Variants in LMBRD1 observed in about 807,000 individuals in gnomAD.
LMBRD1 encodes the protein lysosomal cobalamin transport escort protein LMBD1.
In LMBRD1, 64 loss-of-function variants were observed where a neutral mutation model predicts 74.8. The observed-to-expected ratio is 0.86, with a 90% CI of 0.70 to 1.05. LMBRD1 has a LOEUF of 1.05. LMBRD1 is among the 50% of genes least tolerant of loss of function. The probability of loss-of-function intolerance (pLI) is 0.00; values close to 1 mark genes in which losing one functional copy is unlikely to be tolerated. For missense variants in LMBRD1, 652 were observed against 645.9 expected, an observed-to-expected ratio of 1.01 and a Z score of -0.10; for synonymous variants, 204 against 216.3, an observed-to-expected ratio of 0.94 and a Z score of 0.50.
At chr6:69,760,175 CAT>C (rs1013854043) in intron 3 of LMBRD1, among the ~76,000 whole-genome samples, 49 of 152,284 alleles carry the variant, frequency 3.2e-4, no homozygotes, top group African/African-American at 1.0e-3. Flanking sequence ...CAACAGAAAA[CAT>C]GTGCAAGAAT....
At chr6:69,709,644 T>G (rs1277133898) in intron 9 of LMBRD1, among the ~76,000 whole-genome samples, 4 of 152,128 alleles carry the variant, frequency 2.6e-5, no homozygotes, top group Admixed American at 2.6e-4. Context: ...GCTGATATGA[T>G]CATGTATAAA....
chr6:69,773,389 T>C (rs1352330155), intron 3 of LMBRD1, among the ~76,000 whole-genome samples: 2 of 152,182 alleles, frequency 1.3e-5, no homozygotes, highest in East Asian at 3.8e-4. Flanking sequence ...GTTTTGAGTA[T>C]TCTACTTTAA....
chr6:69,732,208 G>A lies in LMBRD1; in HGVS notation c.636+5734C>T, dbSNP rs112858056. 7.0e-3 allele frequency among the ~76,000 whole-genome samples: 1,058 copies of A among 152,174 alleles called. 15 individuals carry two copies. The highest frequency in any genetic ancestry group is 0.021 in the African/African-American group (884 of 41,532). ...GAATGTTTGTTTTCCCCTAAAATTC[G>A]TATGTTGAAATCTAATCCCCAGTGT... On this transcript the variant is annotated intron_variant, in intron 7 of 15. Transcript: ENST00000649934.
At chr6:69,688,426 C>T (rs1289007909) in intron 14 of LMBRD1, among the ~76,000 whole-genome samples, 5 of 146,642 alleles carry the variant, frequency 3.4e-5, no homozygotes, top group African/African-American at 5.0e-5. Context: ...TCACTTAAAT[C>T]CATTGTTAGT....
chr6:69,731,064 G>A (rs576740475), intron 7 of LMBRD1, among the ~76,000 whole-genome samples: 149 of 152,158 alleles, frequency 9.8e-4, no homozygotes, highest in Non-Finnish European at 1.9e-3. Context: ...CTGTGTATGA[G>A]CGAAAACATG....
chr6:69,697,619 T>C lies in LMBRD1; in HGVS notation c.1361A>G (p.His454Arg). 1 of 1,598,846 alleles carries C rather than the reference T, an allele frequency of 6.3e-7. No homozygotes were observed. Among genetic ancestry groups the C allele is most frequent in the Non-Finnish European group, 8.6e-7 (1 of 1,167,106 alleles). ...CACAGAAAGGGTTGAATTGCCTTTA[T>C]GATTATCAGAAGTTATATTAGTCTG... The part of the protein sequence containing the change: ...LIETNITSDN[H>R]KGNSTLSVPK... The change falls in exon 14 of 16, where the codon CAT (histidine) becomes CGT (arginine). Residue 454 changes from histidine (H) to arginine (R), a missense_variant. By Grantham distance (29) the His-to-Arg change is conservative. This residue lies in a region of LMBRD1 where 598 missense variants were observed against 581.8 expected (regional missense o/e 1.03). Coordinates refer to ENST00000649934, the MANE Select transcript of LMBRD1 (RefSeq NM_018368.4).
intron 9 of LMBRD1, among the ~76,000 whole-genome samples, chr6:69,702,315 C>T (rs1766152120): frequency 2.6e-5 from 4 of 151,092 alleles, no homozygotes; most frequent in African/African-American, 9.7e-5. Flanking sequence ...ACCCCAAAAC[C>T]ATGAAATGCA....
In LMBRD1 at chr6:69,774,948, T is replaced by TGGAAGGAAGGAA. The variant is rs1157907347; in HGVS notation, c.307+5534_307+5545dup. Among the ~76,000 whole-genome samples the TGGAAGGAAGGAA allele has an allele frequency of 4.1e-3, 159 of 38,882 alleles. 9 individuals are homozygous for TGGAAGGAAGGAA. The highest frequency in any genetic ancestry group is 6.3e-3 in the South Asian group (5 of 794). 25.5% of individuals were successfully genotyped at this position (38,882 alleles called of 152,430 possible). A position where few individuals can be genotyped will look rare whatever the true frequency, so the allele number is the denominator to read the frequency against. On this transcript the variant is annotated intron_variant, in intron 3 of 15. Transcript: ENST00000649934. ...CACTCCTGCCCAAAATACAGTGAGA[T>TGGAAGGAAGGAA]GGAAGGAAGGAAGGAAGGAAGGAAG...
chr6:69,750,777 A>G (rs1765126369), intron 4 of LMBRD1, among the ~76,000 whole-genome samples: 1 of 152,150 alleles, frequency 6.6e-6, no homozygotes, highest in African/African-American at 2.4e-5. Flanking sequence ...CCAAATATAG[A>G]GTAAAATAGT....
chr6:69,780,677 A>C, intron 2 of LMBRD1, 123 bp from the exon 3 acceptor site: 2 of 722,078 alleles, frequency 2.8e-6, no homozygotes, highest in Non-Finnish European at 5.0e-6. Flanking sequence ...AAAACAATCT[A>C]TGTCTTCAAT....
chr6:69,703,489 A>T lies in LMBRD1; in HGVS notation c.916-1536T>A, dbSNP rs189023565. 1.3e-3 allele frequency among the ~76,000 whole-genome samples: 198 copies of T among 151,840 alleles called. No homozygotes were observed. The Middle Eastern group carries it at 0.017, about 13-fold the overall frequency. ...AAAAAAATTTAAAATTAAAAAAAAA[A>T]CCCTCTTAGCTATCTTCCAAATCTG... On this transcript the variant is annotated intron_variant, in intron 9 of 15. Coordinates refer to ENST00000649934, the MANE Select transcript of LMBRD1 (RefSeq NM_018368.4).
At chr6:69,681,988 G>GA (rs1582040778) in intron 14 of LMBRD1, among the ~76,000 whole-genome samples, 1 of 151,742 alleles carries the variant, frequency 6.6e-6, no homozygotes, top group Non-Finnish European at 1.5e-5. Flanking sequence ...TATACAACTG[G>GA]AAAAAATGAG....
At chr6:69,726,688 C>T (rs987295930) in intron 7 of LMBRD1, among the ~76,000 whole-genome samples, 6 of 150,956 alleles carry the variant, frequency 4.0e-5, no homozygotes, top group Non-Finnish European at 7.4e-5. Context: ...AACAATTGAA[C>T]TCGTGGAAAC....
At chr6:69,695,997 C>G (rs1765988947) in intron 14 of LMBRD1, among the ~76,000 whole-genome samples, 1 of 152,202 alleles carries the variant, frequency 6.6e-6, no homozygotes, top group African/African-American at 2.4e-5. Flanking sequence ...GGGTGCCCCA[C>G]CACCCTCAAC....
rs771282181 is a variant in LMBRD1, at chr6:69,780,524, T to C, written c.277A>G (p.Ile93Val). The change falls in exon 3 of 16, where the codon ATT becomes GTT. Residue 93 changes from isoleucine (I) to valine (V), a missense_variant. By Grantham distance (29) the Ile-to-Val change is conservative. Coordinates refer to ENST00000649934, the MANE Select transcript of LMBRD1 (RefSeq NM_018368.4). ...TAACCGTATAATACAGTGTCCTCAA[T>C]CTGTCTGCTGACATTAGCATTAGCC... ...DWANANVSRQ[I>V]EDTVLYGYYT... 1.1e-5 allele frequency: 17 copies of C among 1,610,644 alleles called. No individual in the cohort carries two copies. In the East Asian group the frequency reaches 3.6e-4, roughly 34 times the overall value.
chr6:69,736,015 G>T (rs1327454384), intron 7 of LMBRD1, among the ~76,000 whole-genome samples: 1 of 143,894 alleles, frequency 6.9e-6, no homozygotes, highest in African/African-American at 2.5e-5. Flanking sequence ...CTTCATTCAG[G>T]TCTCTGTTCA....
At chr6:69,676,357 G>C (rs1278700408) in intron 15 of LMBRD1, 86 bp from the exon 16 acceptor site, 3 of 1,574,750 alleles carry the variant, frequency 1.9e-6, no homozygotes, top group African/African-American at 1.4e-5. Flanking sequence ...ACAGTACTAT[G>C]ATACAAATGG....
chr6:69,778,007 G>T (rs1404447129), intron 3 of LMBRD1, among the ~76,000 whole-genome samples: 3 of 152,186 alleles, frequency 2.0e-5, no homozygotes, highest in Non-Finnish European at 4.4e-5. Flanking sequence ...TCCTTTCAGG[G>T]TCCTAGCTGT....
intron 14 of LMBRD1, among the ~76,000 whole-genome samples, chr6:69,692,688 T>C (rs1765916485): frequency 6.6e-6 from 1 of 152,116 alleles, no homozygotes; most frequent in Admixed American, 6.5e-5. Flanking sequence ...ACTTACTCTT[T>C]TGGGTCCACA....
Sources: allele counts gnomAD v4.1 joint callset (sites outside exome capture counted in the v4.1 genomes callset), GRCh38; gene constraint gnomAD v4.1.1; regional missense constraint gnomAD v4.1.1; transcripts MANE v1.5; gene names NCBI Gene and HGNC (gene_info 2026-07-23, HGNC 2026-07-21).